The following LIN52 variants were observed in gnomAD, a reference collection of about 807,000 sequenced individuals.
LIN52 encodes protein lin-52 homolog.
A neutral mutation model predicts 18.5 loss-of-function variants in LIN52; 4 were observed. The ratio of observed to expected loss-of-function variants is 0.22; its 90% confidence interval spans 0.11 to 0.49. LIN52 has a LOEUF of 0.49. Among genes scored for constraint, LIN52 ranks in the 20% least tolerant of loss-of-function variants. The probability of loss-of-function intolerance (pLI) is 0.97; values close to 1 mark genes in which losing one functional copy is unlikely to be tolerated. For missense variants in LIN52, 102 were observed against 139.5 expected (o/e 0.73, Z 1.35); for synonymous variants, 34 against 45.5 (o/e 0.75, Z 1.02).
chr14:74,129,197 T>C (rs1236478205), intron 5 of LIN52, among the ~76,000 whole-genome samples: 1 of 152,156 alleles, frequency 6.6e-6, no homozygotes, highest in Non-Finnish European at 1.5e-5. Flanking sequence ...AGTTTGACTC[T>C]TAAGAGGGAC....
chr14:74,155,858 G>C (rs1009913653), intron 5 of LIN52, among the ~76,000 whole-genome samples: 1 of 152,112 alleles, frequency 6.6e-6, no homozygotes, highest in African/African-American at 2.4e-5. Flanking sequence ...GAAGGGACTG[G>C]GTTTATTTAT....
chr14:74,136,423 A>C (rs1244295964), intron 5 of LIN52, among the ~76,000 whole-genome samples: 1 of 152,190 alleles, frequency 6.6e-6, no homozygotes, highest in African/African-American at 2.4e-5. Flanking sequence ...GCTTGTTATT[A>C]CTAAGAATTT....
At chr14:74,086,305 T>C (rs2060730861) in intron 1 of LIN52, among the ~76,000 whole-genome samples, 1 of 152,196 alleles carries the variant, frequency 6.6e-6, no homozygotes, top group Admixed American at 6.5e-5. Context: ...TTACTTGATC[T>C]TAAGTTTTAA....
chr14:74,103,381 T>C (rs1169540408), intron 5 of LIN52, among the ~76,000 whole-genome samples: 3 of 151,736 alleles, frequency 2.0e-5, no homozygotes, highest in Admixed American at 6.6e-5. Context: ...ACCTGACATA[T>C]TGTTTTTTTT....
At chr14:74,174,752 C>T (rs1198077506) in intron 5 of LIN52, 1 of 147,140 alleles carries the variant, frequency 6.8e-6, no homozygotes, top group Non-Finnish European at 1.5e-5. Context: ...GACCCCTTCT[C>T]TTAAAAAAAC....
At chr14:74,140,762 C>G in intron 5 of LIN52, among the ~76,000 whole-genome samples, 1 of 152,146 alleles carries the variant, frequency 6.6e-6, no homozygotes, top group East Asian at 1.9e-4. Context: ...AAGCTGCCTT[C>G]CTTAGGGACT....
chr14:74,099,721 G>A (rs1325645519), intron 4 of LIN52, among the ~76,000 whole-genome samples: 2 of 151,974 alleles, frequency 1.3e-5, no homozygotes, highest in Non-Finnish European at 2.9e-5. Flanking sequence ...AGTTGCTAGT[G>A]CTGATTGATT....
intron 5 of LIN52, among the ~76,000 whole-genome samples, chr14:74,175,164 C>T (rs1164053209): frequency 1.3e-5 from 2 of 151,932 alleles, no homozygotes; most frequent in Non-Finnish European, 2.9e-5. Flanking sequence ...CTACTGCAAA[C>T]TTTATAAACA....
chr14:74,196,701 A>G (rs967917811), intron 5 of LIN52, among the ~76,000 whole-genome samples: 2 of 152,186 alleles, frequency 1.3e-5, no homozygotes, highest in Non-Finnish European at 1.5e-5. Flanking sequence ...TTGTTCATTC[A>G]TTCATTCATT....
At position 74,200,838 on chromosome 14, in the gene LIN52, C is replaced by CA. The variant is rs1285274598; in HGVS notation, c.*1867dup. 2.6e-5 allele frequency: 4 copies of CA among 151,726 alleles called. No individual in the cohort carries two copies. The highest frequency in any genetic ancestry group is 9.7e-5 in the African/African-American group (4 of 41,292). The allele number at this position is 151,726 out of a possible 1,614,324, so 9.4% of individuals were successfully genotyped here. A position where few individuals can be genotyped will look rare whatever the true frequency, so the allele number is the denominator to read the frequency against. The stretch of plus-strand genomic sequence containing the variant: ...GTGTGTGTGCGCGCGCGCATGTGGC[C>CA]AAAAAATAGTGCCATAATGTCAAAT... On this transcript the variant is annotated 3_prime_UTR_variant, in exon 6 of 6. Coordinates refer to ENST00000555028, the MANE Select transcript of LIN52 (RefSeq NM_001024674.3).
chr14:74,138,769 C>CA (rs35627946), intron 5 of LIN52, among the ~76,000 whole-genome samples: 63,241 of 113,594 alleles, frequency 0.56, 15,828 homozygotes, highest in East Asian at 0.88. Flanking sequence ...GACCCTGCCT[C>CA]AAAAAAAAAA....
intron 5 of LIN52, among the ~76,000 whole-genome samples, chr14:74,172,366 TTCTC>T (rs1390984496): frequency 6.6e-6 from 1 of 152,172 alleles, no homozygotes; most frequent in Non-Finnish European, 1.5e-5. Context: ...GTTATATAAC[TTCTC>T]TCTCTCAGTT....
At chr14:74,181,051 T>C (rs2139585104) in intron 5 of LIN52, among the ~76,000 whole-genome samples, 1 of 140,094 alleles carries the variant, frequency 7.1e-6, no homozygotes, top group Middle Eastern at 3.9e-3. Flanking sequence ...GAAGCTACAG[T>C]GAGCTGTGAT....
Position 74,198,993 on chromosome 14 carries a change from A to T in LIN52, c.*16A>T. 6.2e-7 allele frequency: 1 copy of T among 1,602,230 alleles called. No individual in the cohort carries two copies. The highest frequency in any genetic ancestry group is 2.2e-5 in the East Asian group (1 of 44,820). On this transcript the variant is annotated 3_prime_UTR_variant, in exon 6 of 6. Transcript: ENST00000555028. ...CAAGAAGTAGCAGCTGCTTGCGGACAGGATGTCCTGGGGTCCGAAACCAAG... is the reference window on the plus strand; with the variant it reads ...CAAGAAGTAGCAGCTGCTTGCGGACTGGATGTCCTGGGGTCCGAAACCAAG...
At chr14:74,169,747 A>C (rs1393497207) in intron 5 of LIN52, among the ~76,000 whole-genome samples, 2 of 152,176 alleles carry the variant, frequency 1.3e-5, no homozygotes, top group Non-Finnish European at 2.9e-5. Context: ...CTGTTTTTTC[A>C]AAATTAGAGC....
chr14:74,193,042 A>G (rs1032907327), intron 5 of LIN52, among the ~76,000 whole-genome samples: 3 of 152,128 alleles, frequency 2.0e-5, no homozygotes, highest in African/African-American at 4.8e-5. Context: ...TAAATGGCCA[A>G]TGATATGTTT....
chr14:74,158,640 G>A (rs917256317), intron 5 of LIN52, among the ~76,000 whole-genome samples: 2 of 151,808 alleles, frequency 1.3e-5, no homozygotes. Context: ...CACCACGCCC[G>A]GCTAATTTTG....
chr14:74,180,968 A>G (rs1414023662), intron 5 of LIN52, among the ~76,000 whole-genome samples: 1 of 151,774 alleles, frequency 6.6e-6, no homozygotes, highest in Non-Finnish European at 1.5e-5. Context: ...TTACCTGAGC[A>G]TGGTGGTACG....
At chr14:74,198,049 C>T (rs961932694) in intron 5 of LIN52, among the ~76,000 whole-genome samples, 2 of 152,160 alleles carry the variant, frequency 1.3e-5, no homozygotes, top group South Asian at 2.1e-4. Flanking sequence ...CAGCCATCAG[C>T]GATCAGAAAC....
Sources: gnomAD v4.1 joint callset for allele counts (sites outside exome capture counted in the v4.1 genomes callset) on GRCh38, gnomAD v4.1.1 for gene constraint, MANE v1.5 for transcripts, NCBI Gene and HGNC (gene_info 2026-07-23, HGNC 2026-07-21) for gene names.